CRACD: variants seen among roughly 807,000 people sequenced by gnomAD.
CRACD encodes the protein capping protein-inhibiting regulator of actin dynamics.
CRACD carries 56 observed loss-of-function variants against 106.8 expected under a neutral mutation model. That is an observed-to-expected ratio of 0.52 (90% CI 0.42 to 0.66). The LOEUF (loss-of-function observed/expected upper bound fraction) is 0.66. Ranked by LOEUF, CRACD falls within the 30% of genes least tolerant of loss-of-function variation. The pLI, the probability that CRACD is intolerant of heterozygous loss-of-function variation, is 0.00. For synonymous variants in CRACD, 754 were observed against 670.8 expected (o/e 1.12, Z -1.92); for missense variants, 1,730 against 1,623.2 (o/e 1.07, Z -1.13).
At chr4:56,188,850 C>T (rs1403140440) in intron 2 of CRACD, among the ~76,000 whole-genome samples, 1 of 142,012 alleles carries the variant, frequency 7.0e-6, no homozygotes, top group Non-Finnish European at 1.5e-5. Flanking sequence ...TATCTCATTT[C>T]CTCCACCCTC....
intron 8 of CRACD, among the ~76,000 whole-genome samples, chr4:56,318,110 T>C (rs1482056555): frequency 1.3e-5 from 2 of 152,162 alleles, no homozygotes; most frequent in Admixed American, 6.6e-5. Context: ...AGTGTTGGTC[T>C]GGTTACTTGC....
chr4:56,065,289 T>C (rs1391337924), intron 1 of CRACD, among the ~76,000 whole-genome samples: 1 of 152,098 alleles, frequency 6.6e-6, no homozygotes, highest in Non-Finnish European at 1.5e-5. Context: ...GGTTTCACCA[T>C]ATTGGTCAGG....
rs116760355 is a variant in CRACD, at chr4:56,213,034, C to A, written c.-189+33604C>A. ...GTTGCTGCACAAAAGCAGTGGACAC[C>A]ATGGGCCTAGCAGGTAGCCTGTCTT... is the stretch of plus-strand genomic sequence containing the variant. On this transcript the variant is annotated intron_variant, in intron 2 of 10. Transcript: ENST00000682029. Among the ~76,000 whole-genome samples, 1,201 of 152,306 alleles carry A rather than the reference C, an allele frequency of 7.9e-3. 16 individuals carry two copies. The highest frequency in any genetic ancestry group is 0.015 in the African/African-American group (623 of 41,564).
At chr4:56,298,389 G>A (rs1311423361) in intron 4 of CRACD, 40 bp downstream of exon 4, 1 of 1,607,890 alleles carries the variant, frequency 6.2e-7, no homozygotes, top group South Asian at 1.1e-5. Context: ...CCATAGGAGG[G>A]GCCCAGTTAT....
At chr4:56,318,595 C>T (rs1472503434) in intron 8 of CRACD, among the ~76,000 whole-genome samples, 3 of 152,222 alleles carry the variant, frequency 2.0e-5, no homozygotes, top group Non-Finnish European at 2.9e-5. Context: ...ATCACTGTCC[C>T]TGTTTTCTTT....
intron 1 of CRACD, among the ~76,000 whole-genome samples, chr4:56,145,703 C>A (rs1251835768): frequency 1.3e-5 from 2 of 152,078 alleles, no homozygotes; most frequent in Admixed American, 6.5e-5. Flanking sequence ...CCTCCATCTC[C>A]CAGGTTCAGG....
At chr4:56,276,952 C>T (rs1243955395) in intron 3 of CRACD, among the ~76,000 whole-genome samples, 2 of 152,222 alleles carry the variant, frequency 1.3e-5, no homozygotes. Context: ...AGAATATGAG[C>T]TCACTTGGAC....
At chr4:56,279,152 A>G (rs1412224161) in intron 3 of CRACD, among the ~76,000 whole-genome samples, 2 of 152,192 alleles carry the variant, frequency 1.3e-5, no homozygotes, top group African/African-American at 4.8e-5. Context: ...TTAGTGTTAG[A>G]AATGTGACTA....
intron 8 of CRACD, among the ~76,000 whole-genome samples, chr4:56,318,819 A>T (rs1745855310): frequency 6.6e-6 from 1 of 152,210 alleles, no homozygotes; most frequent in South Asian, 2.1e-4. Context: ...CCTGCAATTT[A>T]TTTGTTGATT....
intron 2 of CRACD, among the ~76,000 whole-genome samples, chr4:56,229,253 C>T (rs369655288): frequency 7.9e-5 from 12 of 152,262 alleles, no homozygotes; most frequent in Admixed American, 3.3e-4. Flanking sequence ...TGGGGCCTTT[C>T]GGAGGTGGCT....
chr4:56,071,868 C>T (rs1303976289), intron 1 of CRACD, among the ~76,000 whole-genome samples: 1 of 151,664 alleles, frequency 6.6e-6, no homozygotes, highest in Non-Finnish European at 1.5e-5. Context: ...TGGCTCACGC[C>T]TGTAATCCCA....
chr4:56,207,675 A>G (rs905577930), intron 2 of CRACD, among the ~76,000 whole-genome samples: 3 of 150,264 alleles, frequency 2.0e-5, no homozygotes, highest in African/African-American at 7.3e-5. Flanking sequence ...GCAAGGAAAA[A>G]ATTGAGAGAT....
At chr4:56,139,566 A>G (rs953562760) in intron 1 of CRACD, among the ~76,000 whole-genome samples, 1 of 152,214 alleles carries the variant, frequency 6.6e-6, no homozygotes, top group Admixed American at 6.5e-5. Context: ...TGCTGGGGCA[A>G]TGTCTGCTCA....
Position 56,314,619 on chromosome 4 carries a change from G to A in CRACD, c.1117G>A (p.Glu373Lys). Reference protein sequence around the residue: ...EEEAEGWEELEQQEAEVQGPP... With the variant: ...EEEAEGWEELKQQEAEVQGPP... ...GGAGGCTGAGGGATGGGAAGAGCTG[G>A]AACAGCAGGAGGCGGAGGTGCAGGG... Residue 373 changes from glutamate to lysine, a missense_variant, in exon 8 of 11, where the codon GAA (glutamate) becomes AAA (lysine). By Grantham distance (56) the Glu-to-Lys change is moderately conservative. Around this residue, in one of 5 missense-constraint regions of CRACD, gnomAD observed 1,620 missense variants for 1,481.6 expected, o/e 1.09. Coordinates refer to ENST00000682029, the MANE Select transcript of CRACD (RefSeq NM_001393381.1). This position sits in a 1 kb window ranked among gnomAD's most constrained non-coding sequence, Gnocchi z 4.4. The A allele has an allele frequency of 6.5e-7, 1 of 1,536,870 alleles. No individual in the cohort carries two copies. Among genetic ancestry groups the A allele is most frequent in the Non-Finnish European group, 8.8e-7 (1 of 1,140,442 alleles).
intron 2 of CRACD, among the ~76,000 whole-genome samples, chr4:56,258,687 G>C (rs1222162256): frequency 6.6e-6 from 1 of 152,206 alleles, no homozygotes; most frequent in Non-Finnish European, 1.5e-5. Context: ...CCCCCAGTGG[G>C]TAGAGCTTTG....
chr4:56,155,896 C>G (rs1735748322), intron 1 of CRACD, among the ~76,000 whole-genome samples: 1 of 152,160 alleles, frequency 6.6e-6, no homozygotes, highest in African/African-American at 2.4e-5. Context: ...TCTTTTCATT[C>G]AAATTTGCCT....
chr4:56,286,876 T>C (rs1210370850), intron 3 of CRACD, among the ~76,000 whole-genome samples: 2 of 152,048 alleles, frequency 1.3e-5, no homozygotes, highest in African/African-American at 4.8e-5. Context: ...ATAATAAAAA[T>C]AAAAGCTTCA....
At chr4:56,184,278 C>T (rs1198699087) in intron 2 of CRACD, among the ~76,000 whole-genome samples, 1 of 152,190 alleles carries the variant, frequency 6.6e-6, no homozygotes, top group East Asian at 1.9e-4. Flanking sequence ...ACCATGTTGG[C>T]CAGATTGGTC....
At chr4:56,171,264 T>TA (rs75694991) in intron 1 of CRACD, among the ~76,000 whole-genome samples, 3,045 of 113,224 alleles carry the variant, frequency 0.027, 36 homozygotes, top group Middle Eastern at 0.033. Context: ...TAAAGTATAA[T>TA]AAAAAAAAAA....
Sources: gnomAD v4.1 joint callset for allele counts (sites outside exome capture counted in the v4.1 genomes callset) on GRCh38, gnomAD v4.1.1 for gene constraint, gnomAD v4.1.1 regional missense constraint, Gnocchi (gnomAD v3.1) non-coding constraint, MANE v1.5 for transcripts, NCBI Gene and HGNC (gene_info 2026-07-23, HGNC 2026-07-21) for gene names.